The following HDLBP variants were observed in gnomAD, a reference collection of about 807,000 sequenced individuals.
HDLBP encodes the protein vigilin.
HDLBP carries 30 observed loss-of-function variants against 137.3 expected under a neutral mutation model. The ratio of observed to expected loss-of-function variants is 0.22; its 90% CI spans 0.16 to 0.30. The LOEUF is 0.30. Ranked by LOEUF, HDLBP falls within the 10% of genes least tolerant of loss-of-function variation. The probability of loss-of-function intolerance (pLI) is 1.00; values close to 1 mark genes in which losing one functional copy is unlikely to be tolerated. For synonymous variants in HDLBP, 606 were observed against 596.0 expected, an observed-to-expected ratio of 1.02 and a Z score of -0.24; for missense variants, 1,119 against 1,667.3, an observed-to-expected ratio of 0.67 and a Z score of 5.73.
intron 16 of HDLBP, 145 bp downstream of exon 16, chr2:241,246,607 C>T: frequency 1.3e-6 from 1 of 782,160 alleles, no homozygotes; most frequent in Non-Finnish European, 2.1e-6. Flanking sequence ...CTGACCAACT[C>T]ATCAGTAGCC....
chr2:241,254,004 G>A (rs75469079), intron 9 of HDLBP, among the ~76,000 whole-genome samples: 4,009 of 152,260 alleles, frequency 0.026, 409 homozygotes, highest in Admixed American at 0.18. Context: ...AGTAAAAGGG[G>A]CTGGGCACAG....
chr2:241,258,012 G>A (rs574685638), intron 5 of HDLBP, among the ~76,000 whole-genome samples: 15 of 152,266 alleles, frequency 9.9e-5, no homozygotes, highest in East Asian at 5.8e-4. Context: ...CCAGCACTCC[G>A]GGAAGCCGAG....
chr2:241,255,915 G>A (rs915759201), intron 7 of HDLBP, among the ~76,000 whole-genome samples: 5 of 152,216 alleles, frequency 3.3e-5, no homozygotes, highest in Non-Finnish European at 7.3e-5. Context: ...GAACAAGTCC[G>A]GGATGTGCAT....
intron 1 of HDLBP, chr2:241,270,987 A>C: frequency 1.0e-6 from 1 of 985,154 alleles, no homozygotes; most frequent in Non-Finnish European, 1.2e-6. Flanking sequence ...CAGGGACAGG[A>C]AATTCATGGC....
At chr2:241,273,465 G>C (rs1039330502) in intron 1 of HDLBP, 3 of 499,178 alleles carry the variant, frequency 6.0e-6, no homozygotes, top group Non-Finnish European at 7.8e-6. Flanking sequence ...GCCCACGGTG[G>C]ATACGCAGGA....
Position 241,264,609 on chromosome 2 carries a change from G to C in HDLBP, c.77-4C>G, listed in dbSNP as rs1259635152. 3 of 1,613,608 alleles carry C rather than the reference G, an allele frequency of 1.9e-6. No homozygotes were observed. Among genetic ancestry groups the C allele is most frequent in the African/African-American group, 1.3e-5 (1 of 74,978 alleles). Reference sequence around the variant, plus strand: ...TCTTCTGAATTTAGAGTGGCAACTGGACCAGCCAACACAGATTAAAAGGAA... The same window carrying C: ...TCTTCTGAATTTAGAGTGGCAACTGCACCAGCCAACACAGATTAAAAGGAA... On this transcript the variant is annotated splice_region_variant and splice_polypyrimidine_tract_variant and intron_variant, in intron 3 of 27. Transcript: ENST00000310931.
chr2:241,253,506 C>A lies in HDLBP; in HGVS notation c.1189-9G>T. ...GTGAACTCGATGTGAACCTACCACA[C>A]CAAAACCAAAGAGATAGCTAAAACA... On this transcript the variant is annotated splice_polypyrimidine_tract_variant and intron_variant, in intron 9 of 27. Coordinates refer to ENST00000310931, the MANE Select transcript of HDLBP (RefSeq NM_005336.6). 1 of 1,590,868 alleles carries A rather than the reference C, an allele frequency of 6.3e-7. No homozygotes were observed. Among genetic ancestry groups the A allele is most frequent in the Non-Finnish European group, 8.6e-7 (1 of 1,158,902 alleles).
chr2:241,309,572 G>A (rs979160241), intron 1 of HDLBP, among the ~76,000 whole-genome samples: 4 of 152,228 alleles, frequency 2.6e-5, no homozygotes, highest in Non-Finnish European at 5.9e-5. Context: ...CTGGAAGCCA[G>A]GAGACCTGAA....
chr2:241,230,277 G>A lies in HDLBP; in HGVS notation c.3475-8C>T. 1 of 1,548,420 alleles carries A rather than the reference G, an allele frequency of 6.5e-7. No homozygotes were observed. Among genetic ancestry groups the A allele is most frequent in the Non-Finnish European group, 8.8e-7 (1 of 1,130,118 alleles). The stretch of plus-strand genomic sequence containing the variant: ...TGGGAAGCGAATGTCCACCTGGAAG[G>A]GGTGTACAACGTCAGATGAGGGGAC... On this transcript the variant is annotated splice_region_variant and splice_polypyrimidine_tract_variant and intron_variant, in intron 25 of 27. Transcript: ENST00000310931. This position sits in a 1 kb window ranked among gnomAD's most constrained non-coding sequence, Gnocchi z 5.0.
intron 1 of HDLBP, among the ~76,000 whole-genome samples, chr2:241,308,047 T>A (rs2149715691): frequency 6.6e-6 from 1 of 152,310 alleles, no homozygotes; most frequent in Non-Finnish European, 1.5e-5. Flanking sequence ...GTTTAACTAG[T>A]TACACTCACA....
intron 3 of HDLBP, chr2:241,266,479 A>C (rs2073684002): frequency 9.1e-6 from 3 of 328,730 alleles, no homozygotes; most frequent in South Asian, 3.1e-5. Flanking sequence ...TTCAGAGCCC[A>C]GATTTTAGTT....
At chr2:241,257,960 A>G (rs1015147920) in intron 5 of HDLBP, among the ~76,000 whole-genome samples, 1 of 152,248 alleles carries the variant, frequency 6.6e-6, no homozygotes, top group Non-Finnish European at 1.5e-5. Flanking sequence ...AGTTCACTAG[A>G]GCAAAACGTC....
At chr2:241,248,577 C>T (rs1371807352) in intron 12 of HDLBP, among the ~76,000 whole-genome samples, 4 of 152,134 alleles carry the variant, frequency 2.6e-5, no homozygotes, top group Non-Finnish European at 4.4e-5. Flanking sequence ...ATGGGCTGCA[C>T]GTCACTTCCC....
chr2:241,269,850 G>A (rs1425807060), intron 1 of HDLBP, among the ~76,000 whole-genome samples: 1 of 152,136 alleles, frequency 6.6e-6, no homozygotes, highest in Non-Finnish European at 1.5e-5. Flanking sequence ...CAGGTGTCCA[G>A]TGACACTTGC....
chr2:241,265,199 A>T (rs1282190561), intron 3 of HDLBP, among the ~76,000 whole-genome samples: 2 of 152,210 alleles, frequency 1.3e-5, no homozygotes, highest in African/African-American at 2.4e-5. Context: ...CAGGCAGATC[A>T]CCTGAGGTCG....
intron 2 of HDLBP, chr2:241,267,693 T>G: frequency 2.6e-6 from 4 of 1,535,242 alleles, no homozygotes; most frequent in Non-Finnish European, 3.5e-6. Context: ...CTTAACCAGG[T>G]GGTTATAAGT....
intron 2 of HDLBP, chr2:241,267,457 C>T: frequency 2.2e-6 from 2 of 897,996 alleles, no homozygotes; most frequent in South Asian, 1.5e-5. Flanking sequence ...CCCCTAACCG[C>T]AGGGGTGGGG....
chr2:241,291,032 T>C (rs1339312156), intron 1 of HDLBP, among the ~76,000 whole-genome samples: 1 of 152,216 alleles, frequency 6.6e-6, no homozygotes, highest in Non-Finnish European at 1.5e-5. Flanking sequence ...GTGAGACTTA[T>C]CTGCAGGAGG....
At chr2:241,297,523 A>G (rs566069730) in intron 1 of HDLBP, among the ~76,000 whole-genome samples, 1 of 152,312 alleles carries the variant, frequency 6.6e-6, no homozygotes, top group East Asian at 1.9e-4. Flanking sequence ...AGCTGTAGGT[A>G]TGTTTTGTAT....
Sources: gnomAD v4.1 joint callset for allele counts (sites outside exome capture counted in the v4.1 genomes callset) on GRCh38, gnomAD v4.1.1 for gene constraint, Gnocchi (gnomAD v3.1) non-coding constraint, MANE v1.5 for transcripts, NCBI Gene and HGNC (gene_info 2026-07-23, HGNC 2026-07-21) for gene names.